Variants in IFT57 observed in about 807,000 individuals in gnomAD.
IFT57 encodes the protein intraflagellar transport protein 57 homolog.
A neutral mutation model predicts 56.8 loss-of-function variants in IFT57; 59 were observed. The ratio of observed to expected loss-of-function variants is 1.04; its 90% confidence interval spans 0.84 to 1.29. IFT57 has a LOEUF of 1.29. IFT57 is among the 50% of genes most tolerant of loss of function. IFT57 has a pLI of 0.00. For synonymous variants in IFT57, 209 were observed against 186.1 expected (o/e 1.12, Z -1.00); for missense variants, 470 against 522.1 (o/e 0.90, Z 0.97).
intron 4 of IFT57, 51 bp downstream of exon 4, chr3:108,213,879 TG>T: frequency 2.0e-6 from 2 of 1,015,732 alleles, no homozygotes; most frequent in Middle Eastern, 2.1e-4. Flanking sequence ...ATTAAGAGAA[TG>T]GGAAGTGGCC....
chr3:108,188,564 A>G (rs956722288), intron 6 of IFT57, among the ~76,000 whole-genome samples: 1 of 152,216 alleles, frequency 6.6e-6, no homozygotes, highest in African/African-American at 2.4e-5. Flanking sequence ...AATAATGAAA[A>G]AAACCTTTAT....
intron 6 of IFT57, among the ~76,000 whole-genome samples, chr3:108,170,699 T>C (rs950461860): frequency 1.6e-4 from 23 of 147,282 alleles, no homozygotes; most frequent in African/African-American, 5.7e-4. Context: ...GCCAAAAAAA[T>C]CCTAAGCAAA....
rs900493736 is a variant in IFT57 at position 108,191,661 on chromosome 3, T to C, written c.655-18A>G. ...TTCATATCCTAAGAAAGGAAAGATA[T>C]CACAAGATTGAGAGTTTATAAAAAG... On this transcript the variant is annotated intron_variant, in intron 5 of 10. Transcript: ENST00000264538. 1 of 1,588,278 alleles carries C rather than the reference T, an allele frequency of 6.3e-7. No individual in the cohort carries two copies. Among genetic ancestry groups the C allele is most frequent in the Non-Finnish European group, 8.6e-7 (1 of 1,166,210 alleles).
intron 5 of IFT57, among the ~76,000 whole-genome samples, chr3:108,196,164 A>T (rs61226385): frequency 0.01 from 1,549 of 152,246 alleles, 22 homozygotes; most frequent in African/African-American, 0.035. Flanking sequence ...AAAATATATA[A>T]AAATAAGTTT....
In IFT57 at chr3:108,219,462, T is replaced by C; in HGVS notation, c.323A>G (p.Tyr108Cys). 3 of 1,613,920 alleles carry C rather than the reference T, an allele frequency of 1.9e-6. No individual in the cohort carries two copies. The highest frequency in any genetic ancestry group is 2.5e-6 in the Non-Finnish European group (3 of 1,179,812). Residue 108 changes from tyrosine (Y) to cysteine (C), a missense_variant, in exon 2 of 11, where the codon TAT (tyrosine) becomes TGT (cysteine). Transcript: ENST00000264538. ...AGRPFEQPQEYDDPNATISNI... is the reference protein window; with the variant it reads ...AGRPFEQPQECDDPNATISNI... ...AGATATTGTTGCATTAGGGTCATCA[T>C]ATTCTTGAGGCTGCTCAAAGGGACG...
chr3:108,191,579 C>G lies in IFT57; in HGVS notation c.719G>C (p.Ser240Thr), dbSNP rs139075839. The change falls in exon 6 of 11, where the codon AGC (serine) becomes ACC (threonine). Residue 240 changes from serine (S) to threonine (T), a missense_variant. Coordinates refer to ENST00000264538, the MANE Select transcript of IFT57 (RefSeq NM_018010.4). Reference sequence around the variant, plus strand: ...CGGTAGTACACGTTCCACTTCTAGGCTCCATTCTGCAGCATCTGTTGTGGA... The same window carrying G: ...CGGTAGTACACGTTCCACTTCTAGGGTCCATTCTGCAGCATCTGTTGTGGA... ...LESTTDAAEW[S>T]LEVERVLPQL... 6.2e-7 allele frequency: 1 copy of G among 1,609,578 alleles called. No individual in the cohort carries two copies.
intron 4 of IFT57, among the ~76,000 whole-genome samples, chr3:108,207,493 C>T (rs1289744): frequency 0.78 from 118,669 of 152,074 alleles, 47,298 homozygotes; most frequent in Non-Finnish European, 0.86. Flanking sequence ...CTTAAGGACA[C>T]GATAATAAAG....
intron 6 of IFT57, among the ~76,000 whole-genome samples, chr3:108,184,275 C>T (rs1201610493): frequency 6.6e-6 from 1 of 152,056 alleles, no homozygotes; most frequent in Non-Finnish European, 1.5e-5. Context: ...GATACATAAC[C>T]ACCCTAGAAG....
chr3:108,174,861 A>G (rs982536884), intron 6 of IFT57, among the ~76,000 whole-genome samples: 3 of 151,866 alleles, frequency 2.0e-5, no homozygotes, highest in African/African-American at 4.8e-5. Flanking sequence ...GCTGAAGCAG[A>G]TATCAGCAGA....
intron 4 of IFT57, among the ~76,000 whole-genome samples, chr3:108,211,596 C>A (rs943866937): frequency 6.6e-6 from 1 of 152,234 alleles, no homozygotes; most frequent in South Asian, 2.1e-4. Flanking sequence ...ATAACAAGTG[C>A]TCAATAAGTA....
At chr3:108,215,455 C>T (rs62267920) in intron 3 of IFT57, among the ~76,000 whole-genome samples, 13,889 of 151,922 alleles carry the variant, frequency 0.091, 699 homozygotes, top group Middle Eastern at 0.12. Context: ...CCCAGCTATG[C>T]GGGAGGCTGA....
chr3:108,204,881 T>C (rs2080300864), intron 5 of IFT57, among the ~76,000 whole-genome samples: 2 of 152,190 alleles, frequency 1.3e-5, no homozygotes, highest in Non-Finnish European at 2.9e-5. Context: ...ATTTGTAAAA[T>C]GGAGATAACA....
intron 6 of IFT57, among the ~76,000 whole-genome samples, chr3:108,171,388 A>G (rs771572607): frequency 1.1e-4 from 17 of 151,848 alleles, no homozygotes; most frequent in Non-Finnish European, 1.9e-4. Flanking sequence ...AAAGGGGGCA[A>G]CTGGCTACCT....
chr3:108,193,362 C>A (rs1422389586), intron 5 of IFT57, among the ~76,000 whole-genome samples: 1 of 152,148 alleles, frequency 6.6e-6, no homozygotes, highest in Non-Finnish European at 1.5e-5. Flanking sequence ...GACTCAGAGC[C>A]TTAAAGCCTA....
intron 6 of IFT57, among the ~76,000 whole-genome samples, chr3:108,188,748 T>A (rs1299933048): frequency 6.6e-6 from 1 of 152,242 alleles, no homozygotes; most frequent in Non-Finnish European, 1.5e-5. Context: ...AGGATTTTGA[T>A]GATGGCAATA....
chr3:108,185,245 A>G (rs1045961000), intron 6 of IFT57, among the ~76,000 whole-genome samples: 1 of 152,164 alleles, frequency 6.6e-6, no homozygotes, highest in Non-Finnish European at 1.5e-5. Context: ...GAAAAAATGA[A>G]GATATAATAC....
chr3:108,193,947 A>C (rs1386212233), intron 5 of IFT57, among the ~76,000 whole-genome samples: 8 of 152,154 alleles, frequency 5.3e-5, no homozygotes, highest in Non-Finnish European at 1.0e-4. Flanking sequence ...TGGGGTAGTG[A>C]GGACATATGC....
intron 4 of IFT57, among the ~76,000 whole-genome samples, chr3:108,212,557 T>C (rs2080348163): frequency 6.6e-6 from 1 of 152,086 alleles, no homozygotes; most frequent in African/African-American, 2.4e-5. Context: ...TTGTATGGTC[T>C]GCAAAACTGT....
At position 108,174,927 on chromosome 3, in the gene IFT57, T is replaced by C. The variant is rs139649666; in HGVS notation, c.778-7063A>G. On this transcript the variant is annotated intron_variant, in intron 6 of 10. Transcript: ENST00000264538. The stretch of plus-strand genomic sequence containing the variant: ...TTGCAAGCCACTGTGATTTGGGGGT[T>C]GTTTGTTATGCAGAAAAATTAACTA... 1.3e-3 allele frequency among the ~76,000 whole-genome samples: 203 copies of C among 151,978 alleles called. 1 individual carries two copies. Among genetic ancestry groups the C allele is most frequent in the African/African-American group, 4.6e-3 (192 of 41,524 alleles).
Sources: gnomAD v4.1 joint callset for allele counts (sites outside exome capture counted in the v4.1 genomes callset) on GRCh38, gnomAD v4.1.1 for gene constraint, MANE v1.5 for transcripts, NCBI Gene and HGNC (gene_info 2026-07-23, HGNC 2026-07-21) for gene names.